PDE11A: variants seen among roughly 807,000 people sequenced by gnomAD.
PDE11A encodes the protein phosphodiesterase 11A, also known as dual 3',5'-cyclic-AMP and -GMP phosphodiesterase 11A.
A neutral mutation model predicts 100.5 loss-of-function variants in PDE11A; 100 were observed. The observed-to-expected ratio is 1.00, with a 90% confidence interval of 0.85 to 1.18. The LOEUF (loss-of-function observed/expected upper bound fraction) is 1.18, where lower values mean the gene tolerates loss of function less well. PDE11A is among the 50% of genes most tolerant of loss of function. The pLI is 0.00. For synonymous variants in PDE11A, 381 were observed against 420.8 expected (o/e 0.91, Z 1.16); for missense variants, 1,141 against 1,152.6 (o/e 0.99, Z 0.15).
At chr2:177,893,650 C>T (rs1301999629) in intron 4 of PDE11A, among the ~76,000 whole-genome samples, 1 of 152,026 alleles carries the variant, frequency 6.6e-6, no homozygotes, top group Non-Finnish European at 1.5e-5. Context: ...TTGGTTATAA[C>T]ACATCTAAAA....
At chr2:177,854,636 C>A (rs548693808) in intron 5 of PDE11A, among the ~76,000 whole-genome samples, 5 of 152,164 alleles carry the variant, frequency 3.3e-5, no homozygotes, top group African/African-American at 1.2e-4. Context: ...TGGATCACCC[C>A]AACTTCATAC....
At chr2:177,807,558 C>T (rs2082890942) in intron 9 of PDE11A, among the ~76,000 whole-genome samples, 1 of 152,022 alleles carries the variant, frequency 6.6e-6, no homozygotes, top group Admixed American at 6.6e-5. Flanking sequence ...GTAGCTAGGA[C>T]TACAAGCGCA....
chr2:178,039,536 A>C (rs2086658164), intron 1 of PDE11A, among the ~76,000 whole-genome samples: 1 of 152,156 alleles, frequency 6.6e-6, no homozygotes, highest in East Asian at 1.9e-4. Context: ...AAGAGTTAAA[A>C]ATAAATAAAT....
chr2:178,086,705 G>C (rs1559067601), intron 2 of PDE11A, among the ~76,000 whole-genome samples: 1 of 152,024 alleles, frequency 6.6e-6, no homozygotes, highest in Non-Finnish European at 1.5e-5. Flanking sequence ...TTTATAGAAG[G>C]ACAAAAAGTT....
intron 12 of PDE11A, among the ~76,000 whole-genome samples, chr2:177,727,188 T>C (rs904210249): frequency 3.9e-5 from 6 of 151,968 alleles, no homozygotes; most frequent in South Asian, 2.1e-4. Context: ...TGCGCACTCT[T>C]ACCCCTCTTT....
At chr2:177,994,167 G>A (rs1207453053) in intron 2 of PDE11A, among the ~76,000 whole-genome samples, 1 of 152,112 alleles carries the variant, frequency 6.6e-6, no homozygotes, top group Non-Finnish European at 1.5e-5. Flanking sequence ...CTGAGCTCAA[G>A]TGATCCATCC....
At chr2:177,862,658 T>C (rs896320134) in intron 5 of PDE11A, among the ~76,000 whole-genome samples, 1 of 151,820 alleles carries the variant, frequency 6.6e-6, no homozygotes, top group African/African-American at 2.4e-5. Flanking sequence ...CTGAAAACTA[T>C]AAATCACTGA....
chr2:177,992,476 T>A (rs2086016429), intron 2 of PDE11A, among the ~76,000 whole-genome samples: 1 of 143,710 alleles, frequency 7.0e-6, no homozygotes, highest in Admixed American at 7.1e-5. Context: ...CTACCATTCA[T>A]GCTATTTGCC....
intron 2 of PDE11A, among the ~76,000 whole-genome samples, chr2:177,943,754 C>T (rs1265166499): frequency 6.6e-6 from 1 of 152,050 alleles, no homozygotes; most frequent in Non-Finnish European, 1.5e-5. Context: ...GTCTATTTTT[C>T]CCTTTGTTGC....
chr2:177,965,393 C>A (rs568248424), intron 2 of PDE11A, among the ~76,000 whole-genome samples: 4 of 151,750 alleles, frequency 2.6e-5, no homozygotes, highest in Non-Finnish European at 4.4e-5. Flanking sequence ...TCAATTTTTC[C>A]GTTGCAATTG....
intron 17 of PDE11A, among the ~76,000 whole-genome samples, 161 bp from the exon 18 acceptor site, chr2:177,669,728 G>A (rs1037369221): frequency 6.6e-6 from 1 of 152,182 alleles, no homozygotes; most frequent in African/African-American, 2.4e-5. Context: ...AGGTGTTATA[G>A]AACTTAATGA....
intron 19 of PDE11A, among the ~76,000 whole-genome samples, chr2:177,631,580 T>G (rs932818036): frequency 4.1e-5 from 1 of 24,418 alleles, no homozygotes; most frequent in African/African-American, 1.3e-4. Flanking sequence ...CATGTATATA[T>G]ATATACACAC....
intron 2 of PDE11A, among the ~76,000 whole-genome samples, chr2:177,959,520 G>C (rs953005274): frequency 1.3e-5 from 2 of 152,160 alleles, no homozygotes; most frequent in African/African-American, 4.8e-5. Flanking sequence ...AGGGTGGCTT[G>C]GATCATGATC....
intron 15 of PDE11A, among the ~76,000 whole-genome samples, chr2:177,684,455 C>T (rs1352383431): frequency 6.6e-6 from 1 of 152,084 alleles, no homozygotes; most frequent in East Asian, 1.9e-4. Flanking sequence ...CAACAAAATT[C>T]TAAATAAAGA....
chr2:177,728,294 T>G, intron 10 of PDE11A, 122 bp from the exon 11 acceptor site: 3 of 700,108 alleles, frequency 4.3e-6, no homozygotes, highest in Non-Finnish European at 7.4e-6. Flanking sequence ...ACTTACACCC[T>G]GATACAGCTA....
Position 177,959,245 on chromosome 2 carries a change from T to G in PDE11A, c.1072-54058A>C, listed in dbSNP as rs140398946. 3.3e-5 allele frequency among the ~76,000 whole-genome samples: 5 copies of G among 151,924 alleles called. No individual in the cohort carries two copies. In the East Asian group the frequency reaches 9.7e-4, roughly 29 times the overall value. ...CAGAAAAATCCCTATGGCTGGAGAGTATTGAACATGATGGAAAGAAGACGG... is the reference window on the plus strand; with the variant it reads ...CAGAAAAATCCCTATGGCTGGAGAGGATTGAACATGATGGAAAGAAGACGG... On this transcript the variant is annotated intron_variant, in intron 2 of 19. Coordinates refer to ENST00000286063, the MANE Select transcript of PDE11A (RefSeq NM_016953.4).
chr2:178,008,331 T>C (rs926129628), intron 2 of PDE11A, among the ~76,000 whole-genome samples: 11 of 152,212 alleles, frequency 7.2e-5, no homozygotes, highest in African/African-American at 2.4e-4. Flanking sequence ...AAATTGACTT[T>C]ATTAAGCTGA....
chr2:177,921,502 T>C (rs1427920607), intron 2 of PDE11A, among the ~76,000 whole-genome samples: 2 of 151,774 alleles, frequency 1.3e-5, no homozygotes, highest in Non-Finnish European at 2.9e-5. Flanking sequence ...AACATGTTTA[T>C]CATGGCATAT....
intron 2 of PDE11A, chr2:177,998,669 AC>A: frequency 8.2e-7 from 1 of 1,216,300 alleles, no homozygotes; most frequent in Non-Finnish European, 1.2e-6. Context: ...CACCTTTCAC[AC>A]CATCCAGTAT....
Sources: allele counts gnomAD v4.1 joint callset (sites outside exome capture counted in the v4.1 genomes callset), GRCh38; gene constraint gnomAD v4.1.1; transcripts MANE v1.5; gene names NCBI Gene and HGNC (gene_info 2026-07-23, HGNC 2026-07-21).